RAI14: variants seen among roughly 807,000 people sequenced by gnomAD.
RAI14 encodes retinoic acid induced 14.
In RAI14, 45 loss-of-function variants were observed where a neutral mutation model predicts 115.4. The ratio of observed to expected loss-of-function variants is 0.39; its 90% CI spans 0.31 to 0.50. The LOEUF (loss-of-function observed/expected upper bound fraction) is 0.50. Among genes scored for constraint, RAI14 ranks in the 20% least tolerant of loss-of-function variants. The pLI is 0.85. For missense variants in RAI14, 939 were observed against 1,131.2 expected (o/e 0.83, Z 2.44); for synonymous variants, 371 against 415.4 (o/e 0.89, Z 1.30).
chr5:34,822,921 T>C (rs1023459911), intron 14 of RAI14, 35 bp from the exon 15 acceptor site: 2 of 1,535,936 alleles, frequency 1.3e-6, no homozygotes, highest in East Asian at 4.5e-5. Context: ...TCTCCTGACC[T>C]TTGATATCAT....
At chr5:34,764,979 C>T (rs866050853) in intron 3 of RAI14, among the ~76,000 whole-genome samples, 4 of 152,194 alleles carry the variant, frequency 2.6e-5, no homozygotes, top group East Asian at 1.9e-4. Context: ...ACTGTTCTTG[C>T]GGTAGTGAAT....
chr5:34,757,408 T>C, intron 2 of RAI14, 60 bp from the exon 3 acceptor site: 1 of 1,588,904 alleles, frequency 6.3e-7, no homozygotes, highest in Non-Finnish European at 8.6e-7. Context: ...GCAGCCCTGC[T>C]GGTCAGTGCG....
At chr5:34,711,135 C>T (rs765759288) in intron 2 of RAI14, among the ~76,000 whole-genome samples, 2 of 152,134 alleles carry the variant, frequency 1.3e-5, no homozygotes, top group African/African-American at 2.4e-5. Flanking sequence ...GTTTCATGCG[C>T]GTCCGTGTGA....
intron 2 of RAI14, among the ~76,000 whole-genome samples, chr5:34,728,248 G>A (rs1743728108): frequency 6.6e-6 from 1 of 152,178 alleles, no homozygotes; most frequent in African/African-American, 2.4e-5. Flanking sequence ...GAAGGGACTT[G>A]TCTTGTCTCA....
intron 3 of RAI14, among the ~76,000 whole-genome samples, chr5:34,765,814 C>G (rs1416474906): frequency 6.6e-6 from 1 of 152,184 alleles, no homozygotes; most frequent in Non-Finnish European, 1.5e-5. Context: ...ACGGCAGCCT[C>G]TCCCACCACA....
chr5:34,798,668 C>T (rs1753837119), intron 4 of RAI14, among the ~76,000 whole-genome samples: 1 of 152,204 alleles, frequency 6.6e-6, no homozygotes, highest in African/African-American at 2.4e-5. Context: ...GAGCCCTAAC[C>T]CAGTTCCTGA....
At chr5:34,663,600 A>G (rs1437132261) in intron 1 of RAI14, among the ~76,000 whole-genome samples, 2 of 152,324 alleles carry the variant, frequency 1.3e-5, no homozygotes, top group East Asian at 1.9e-4. Context: ...CTTCTGTTTA[A>G]CTGAAGGAAG....
intron 2 of RAI14, among the ~76,000 whole-genome samples, chr5:34,714,980 G>A (rs1159805052): frequency 6.6e-6 from 1 of 152,084 alleles, no homozygotes; most frequent in Non-Finnish European, 1.5e-5. Context: ...AATGCTGGTG[G>A]GATCTCAACC....
intron 2 of RAI14, among the ~76,000 whole-genome samples, chr5:34,746,096 C>A (rs377438070): frequency 4.5e-5 from 6 of 132,000 alleles, no homozygotes; most frequent in African/African-American, 1.8e-4. Context: ...CCCCCTCCCC[C>A]CCCCGCCTTT....
intron 2 of RAI14, among the ~76,000 whole-genome samples, chr5:34,726,397 A>G (rs1455283456): frequency 6.6e-6 from 1 of 152,332 alleles, no homozygotes; most frequent in East Asian, 1.9e-4. Flanking sequence ...CAGGAGAAAG[A>G]GTGAGTGAAG....
chr5:34,669,353 C>T (rs1002096087), intron 1 of RAI14, among the ~76,000 whole-genome samples: 2 of 152,228 alleles, frequency 1.3e-5, no homozygotes, highest in Non-Finnish European at 2.9e-5. Flanking sequence ...CTGTTTGTGC[C>T]TTGTTTGGCA....
intron 3 of RAI14, among the ~76,000 whole-genome samples, chr5:34,760,241 G>T (rs1167411901): frequency 1.3e-5 from 2 of 152,120 alleles, no homozygotes; most frequent in Non-Finnish European, 2.9e-5. Flanking sequence ...TAGAGACGGG[G>T]TTTCACCATG....
intron 2 of RAI14, among the ~76,000 whole-genome samples, chr5:34,737,317 TG>T (rs1744991263): frequency 6.6e-6 from 1 of 152,182 alleles, no homozygotes; most frequent in Admixed American, 6.5e-5. Context: ...GAAGGATTTT[TG>T]ACAAGTTAAG....
intron 2 of RAI14, among the ~76,000 whole-genome samples, chr5:34,736,128 C>G (rs542296898): frequency 6.8e-6 from 1 of 148,044 alleles, no homozygotes; most frequent in African/African-American, 2.5e-5. Context: ...CAGCTGGGCG[C>G]GGTGACTCAC....
At chr5:34,758,257 CTG>C (rs2150094354) in intron 3 of RAI14, among the ~76,000 whole-genome samples, 1 of 152,298 alleles carries the variant, frequency 6.6e-6, no homozygotes, top group South Asian at 2.1e-4. Flanking sequence ...TATTAGTTAA[CTG>C]TTAGAGTAGT....
rs542498128 is a variant in RAI14 at position 34,749,682 on chromosome 5, T to A, written c.37-7786T>A. Among the ~76,000 whole-genome samples the A allele has an allele frequency of 9.2e-5, 14 of 152,338 alleles. 1 individual carries two copies. In the East Asian group the frequency reaches 2.7e-3, roughly 29 times the overall value. On this transcript the variant is annotated intron_variant, in intron 2 of 17. Transcript: ENST00000265109. ...CTTACCGGCCAGCCAATATCATTTG[T>A]GATATATTAGCAGGAATGTTTGGAG... is the stretch of plus-strand genomic sequence containing the variant.
At chr5:34,790,889 C>T (rs1752849146) in intron 3 of RAI14, among the ~76,000 whole-genome samples, 1 of 151,850 alleles carries the variant, frequency 6.6e-6, no homozygotes. Context: ...TTGAGAATTT[C>T]CCCATTGTAG....
intron 3 of RAI14, among the ~76,000 whole-genome samples, chr5:34,781,659 C>T (rs66551814): frequency 0.22 from 33,597 of 152,148 alleles, 5,040 homozygotes; most frequent in Non-Finnish European, 0.31. Flanking sequence ...TTAAATGGTG[C>T]AGCAGCTTTA....
At chr5:34,826,528 G>T (rs1401886897) in intron 16 of RAI14, 49 bp downstream of exon 16, 2 of 1,583,932 alleles carry the variant, frequency 1.3e-6, no homozygotes, top group Non-Finnish European at 8.6e-7. Flanking sequence ...GGGCCTGGCA[G>T]ATTTCCTACC....
Sources: allele counts gnomAD v4.1 joint callset (sites outside exome capture counted in the v4.1 genomes callset), GRCh38; gene constraint gnomAD v4.1.1; transcripts MANE v1.5; gene names NCBI Gene and HGNC (gene_info 2026-07-23, HGNC 2026-07-21).